The following WWOX variants were observed in gnomAD, a reference collection of about 807,000 sequenced individuals.
WWOX encodes the protein WW domain containing oxidoreductase.
A neutral mutation model predicts 46.2 loss-of-function variants in WWOX; 69 were observed. That is an observed-to-expected ratio of 1.49 (90% CI 1.23 to 1.82). The LOEUF (loss-of-function observed/expected upper bound fraction) is 1.82, where lower values mean the gene tolerates loss of function less well. WWOX is among the 40% of genes most tolerant of loss of function. The probability of loss-of-function intolerance (pLI) is 0.00; values close to 1 mark genes in which losing one functional copy is unlikely to be tolerated. For synonymous variants in WWOX, 359 were observed against 202.6 expected (o/e 1.77, Z -6.56); for missense variants, 919 against 542.6 (o/e 1.69, Z -6.89).
intron 8 of WWOX, among the ~76,000 whole-genome samples, chr16:79,062,810 A>T (rs1159675624): frequency 1.3e-5 from 2 of 152,154 alleles, no homozygotes; most frequent in African/African-American, 4.8e-5. Flanking sequence ...CAGCCCCTTG[A>T]ACAGTGCTTG....
chr16:78,269,690 C>G (rs951975748), intron 5 of WWOX, among the ~76,000 whole-genome samples: 1 of 152,170 alleles, frequency 6.6e-6, no homozygotes, highest in African/African-American at 2.4e-5. Context: ...ATTTAAACAG[C>G]ATTTCAATGT....
intron 5 of WWOX, among the ~76,000 whole-genome samples, chr16:78,295,690 G>A (rs1383704554): frequency 6.6e-6 from 1 of 151,656 alleles, no homozygotes; most frequent in African/African-American, 2.4e-5. Context: ...CGGCCTGGGT[G>A]GCTGAGAAAG....
At chr16:79,021,319 C>G (rs945626069) in intron 8 of WWOX, among the ~76,000 whole-genome samples, 13 of 152,146 alleles carry the variant, frequency 8.5e-5, no homozygotes, top group African/African-American at 3.1e-4. Flanking sequence ...GAGATATTGT[C>G]TCTACTCTCA....
intron 8 of WWOX, among the ~76,000 whole-genome samples, chr16:78,956,292 C>T (rs1393177627): frequency 6.6e-6 from 1 of 152,098 alleles, no homozygotes; most frequent in Non-Finnish European, 1.5e-5. Flanking sequence ...ATTATAGGCA[C>T]ATGCCACCAT....
At chr16:78,890,010 T>C (rs552825877) in intron 8 of WWOX, among the ~76,000 whole-genome samples, 49 of 152,188 alleles carry the variant, frequency 3.2e-4, no homozygotes, top group Admixed American at 1.6e-3. Context: ...CTCCTAAATG[T>C]TAGGAATTTT....
intron 8 of WWOX, among the ~76,000 whole-genome samples, chr16:78,712,016 T>C (rs1249830903): frequency 1.3e-5 from 2 of 152,150 alleles, no homozygotes; most frequent in African/African-American, 4.8e-5. Context: ...AGCCCCAACG[T>C]CCTCCCAATC....
intron 8 of WWOX, among the ~76,000 whole-genome samples, chr16:79,110,277 C>T (rs1391243502): frequency 6.6e-6 from 1 of 152,146 alleles, no homozygotes; most frequent in African/African-American, 2.4e-5. Flanking sequence ...GAGAATGCCC[C>T]TCCTACTTCC....
At chr16:78,711,611 TA>T (rs1292965397) in intron 8 of WWOX, among the ~76,000 whole-genome samples, 3 of 152,192 alleles carry the variant, frequency 2.0e-5, no homozygotes, top group Admixed American at 6.5e-5. Flanking sequence ...AATGTGTTTT[TA>T]TAGTGCCATT....
intron 6 of WWOX, among the ~76,000 whole-genome samples, chr16:78,394,961 G>A (rs995531084): frequency 1.3e-5 from 2 of 152,206 alleles, no homozygotes; most frequent in African/African-American, 2.4e-5. Flanking sequence ...CCAAGTGTGT[G>A]TAATGTGTAT....
At chr16:78,779,189 G>T (rs896274206) in intron 8 of WWOX, among the ~76,000 whole-genome samples, 1 of 152,170 alleles carries the variant, frequency 6.6e-6, no homozygotes, top group Non-Finnish European at 1.5e-5. Flanking sequence ...TTGTTTCCCA[G>T]GCTGGAGTGC....
chr16:78,291,377 G>T (rs1448963336), intron 5 of WWOX, among the ~76,000 whole-genome samples: 4 of 152,144 alleles, frequency 2.6e-5, no homozygotes, highest in Non-Finnish European at 5.9e-5. Flanking sequence ...GGCTGAACAT[G>T]TTCTATAATT....
chr16:78,427,986 T>G (rs2083126751), intron 7 of WWOX, among the ~76,000 whole-genome samples: 1 of 152,022 alleles, frequency 6.6e-6, no homozygotes, highest in Non-Finnish European at 1.5e-5. Context: ...GAGAATTGCT[T>G]GAACTTGGGA....
chr16:79,053,780 C>T (rs2048212743), intron 8 of WWOX, among the ~76,000 whole-genome samples: 1 of 152,060 alleles, frequency 6.6e-6, no homozygotes, highest in African/African-American at 2.4e-5. Flanking sequence ...AAATGAAAAC[C>T]ATTAATCCTG....
At chr16:78,906,985 C>A (rs937960759) in intron 8 of WWOX, among the ~76,000 whole-genome samples, 5 of 152,154 alleles carry the variant, frequency 3.3e-5, no homozygotes, top group Non-Finnish European at 7.3e-5. Flanking sequence ...TTCATTCTGC[C>A]TGATGCCCAG....
chr16:78,843,377 G>A (rs1299848664), intron 8 of WWOX, among the ~76,000 whole-genome samples: 1 of 150,102 alleles, frequency 6.7e-6, no homozygotes, highest in African/African-American at 2.4e-5. Flanking sequence ...TTATTGTGGT[G>A]CCTGTTTTGT....
chr16:78,887,085 TGTGTG>T (rs2044477946), intron 8 of WWOX, among the ~76,000 whole-genome samples: 1 of 13,384 alleles, frequency 7.5e-5, no homozygotes, highest in African/African-American at 8.9e-5. Flanking sequence ...GTGGTGTGTG[TGTGTG>T]TGTGTGTGTG....
intron 8 of WWOX, among the ~76,000 whole-genome samples, chr16:78,962,663 C>T (rs535312675): frequency 6.6e-6 from 1 of 152,112 alleles, no homozygotes. Flanking sequence ...ATGTATCATT[C>T]CTACGGTAAG....
At chr16:78,648,721 G>A (rs1286549265) in intron 8 of WWOX, among the ~76,000 whole-genome samples, 1 of 152,144 alleles carries the variant, frequency 6.6e-6, no homozygotes, top group African/African-American at 2.4e-5. Flanking sequence ...GAGCATACTG[G>A]AAGTCATCCA....
At chr16:78,229,328 G>C (rs1362590945) in intron 5 of WWOX, among the ~76,000 whole-genome samples, 2 of 150,368 alleles carry the variant, frequency 1.3e-5, no homozygotes, top group Non-Finnish European at 3.0e-5. Context: ...CCTGACTCTT[G>C]ATCAAATTGC....
Sources: allele counts gnomAD v4.1 joint callset (sites outside exome capture counted in the v4.1 genomes callset), GRCh38; gene constraint gnomAD v4.1.1; transcripts MANE v1.5; gene names NCBI Gene and HGNC (gene_info 2026-07-23, HGNC 2026-07-21).